ERBB4: variants seen among roughly 807,000 people sequenced by gnomAD.
The protein encoded by ERBB4 is erb-b2 receptor tyrosine kinase 4, also known as receptor tyrosine-protein kinase erbB-4.
ERBB4 carries 42 observed loss-of-function variants against 158.0 expected under a neutral mutation model. The ratio of observed to expected loss-of-function variants is 0.27; its 90% CI spans 0.21 to 0.34. The LOEUF is 0.34. ERBB4 is among the 10% of genes least tolerant of loss of function. The pLI is 1.00. For synonymous variants in ERBB4, 583 were observed against 558.7 expected (o/e 1.04, Z -0.61); for missense variants, 1,333 against 1,624.1 (o/e 0.82, Z 3.08).
At chr2:212,319,554 G>C (rs2087462243) in intron 1 of ERBB4, among the ~76,000 whole-genome samples, 1 of 150,530 alleles carries the variant, frequency 6.6e-6, no homozygotes, top group African/African-American at 2.4e-5. Context: ...ATGTAAGATT[G>C]AATCTAGCTG....
At chr2:212,525,408 G>A (rs1219318253) in intron 1 of ERBB4, among the ~76,000 whole-genome samples, 2 of 151,856 alleles carry the variant, frequency 1.3e-5, no homozygotes, top group Non-Finnish European at 2.9e-5. Context: ...GAAATATGAT[G>A]AGATGAACAA....
intron 2 of ERBB4, among the ~76,000 whole-genome samples, chr2:211,970,951 T>C (rs192294893): frequency 1.3e-5 from 2 of 152,322 alleles, no homozygotes; most frequent in Admixed American, 1.3e-4. Flanking sequence ...GACTTGTTTA[T>C]GTGGTTGCTT....
At chr2:212,493,330 T>A (rs1209111788) in intron 1 of ERBB4, among the ~76,000 whole-genome samples, 1 of 151,522 alleles carries the variant, frequency 6.6e-6, no homozygotes, top group Non-Finnish European at 1.5e-5. Context: ...TAATATTTAA[T>A]GCAAAGAAAT....
chr2:211,623,540 T>C (rs1376752211), intron 18 of ERBB4, among the ~76,000 whole-genome samples: 2 of 152,114 alleles, frequency 1.3e-5, no homozygotes, highest in African/African-American at 4.8e-5. Context: ...TAAAGGATTA[T>C]GGTATATTGC....
chr2:211,604,560 T>C (rs1325163489), intron 19 of ERBB4, among the ~76,000 whole-genome samples: 2 of 152,194 alleles, frequency 1.3e-5, no homozygotes, highest in Non-Finnish European at 2.9e-5. Flanking sequence ...GTCAGTCTTA[T>C]CAACCTCATA....
At chr2:212,181,239 A>G (rs1369167855) in intron 1 of ERBB4, among the ~76,000 whole-genome samples, 1 of 151,560 alleles carries the variant, frequency 6.6e-6, no homozygotes, top group Non-Finnish European at 1.5e-5. Flanking sequence ...TTTTATATTA[A>G]TCTTTTCTAT....
chr2:211,874,751 C>T (rs2078448392), intron 3 of ERBB4, among the ~76,000 whole-genome samples: 1 of 152,082 alleles, frequency 6.6e-6, no homozygotes, highest in Admixed American at 6.6e-5. Flanking sequence ...AGCAGTTTAG[C>T]CATCTTCCAT....
chr2:212,368,451 T>C (rs1293084772), intron 1 of ERBB4, among the ~76,000 whole-genome samples: 1 of 152,050 alleles, frequency 6.6e-6, no homozygotes, highest in Admixed American at 6.6e-5. Context: ...GGGCGAGGGA[T>C]GAAAGACTAC....
At chr2:211,792,080 T>A (rs59005267) in intron 3 of ERBB4, among the ~76,000 whole-genome samples, 6,819 of 151,838 alleles carry the variant, frequency 0.045, 494 homozygotes, top group African/African-American at 0.16. Context: ...AATTGTTAGA[T>A]TTAATTGTGT....
intron 16 of ERBB4, among the ~76,000 whole-genome samples, chr2:211,634,493 G>C (rs2070281170): frequency 6.6e-6 from 1 of 151,980 alleles, no homozygotes; most frequent in African/African-American, 2.4e-5. Flanking sequence ...GTATAGGATA[G>C]ATATCTTTTT....
At chr2:211,887,045 C>G (rs1249958607) in intron 3 of ERBB4, among the ~76,000 whole-genome samples, 1 of 152,090 alleles carries the variant, frequency 6.6e-6, no homozygotes, top group Non-Finnish European at 1.5e-5. Context: ...ATTTTTTGGA[C>G]TTTTTTTCTT....
chr2:212,037,963 C>T (rs1023628957), intron 2 of ERBB4, among the ~76,000 whole-genome samples: 14 of 151,832 alleles, frequency 9.2e-5, no homozygotes, highest in African/African-American at 2.2e-4. Flanking sequence ...AAAAATTAGC[C>T]GTTGTATTTC....
chr2:211,731,669 T>C (rs2074430996), intron 5 of ERBB4, among the ~76,000 whole-genome samples: 1 of 149,836 alleles, frequency 6.7e-6, no homozygotes, highest in Admixed American at 6.7e-5. Context: ...TTATTCCTAT[T>C]AATGATGAAA....
chr2:212,027,025 G>T (rs1182076855), intron 2 of ERBB4, among the ~76,000 whole-genome samples: 1 of 151,722 alleles, frequency 6.6e-6, no homozygotes, highest in Non-Finnish European at 1.5e-5. Context: ...ATTTGTATTT[G>T]CAAATTGCTC....
At chr2:211,772,716 G>A (rs71350751) in intron 4 of ERBB4, among the ~76,000 whole-genome samples, 18,859 of 144,908 alleles carry the variant, frequency 0.13, 1,408 homozygotes, top group Middle Eastern at 0.16. Flanking sequence ...TACAATCATG[G>A]CTCACTTCAG....
At chr2:212,520,086 C>A (rs1667595734) in intron 1 of ERBB4, among the ~76,000 whole-genome samples, 1 of 151,660 alleles carries the variant, frequency 6.6e-6, no homozygotes, top group Non-Finnish European at 1.5e-5. Context: ...TATCAGGATA[C>A]CTTAATTGGA....
At chr2:211,705,620 A>C (rs1242074494) in intron 9 of ERBB4, among the ~76,000 whole-genome samples, 1 of 152,208 alleles carries the variant, frequency 6.6e-6, no homozygotes, top group African/African-American at 2.4e-5. Context: ...TTCCAGATCT[A>C]TAAGATTATT....
At chr2:212,189,592 C>T (rs982142418) in intron 1 of ERBB4, among the ~76,000 whole-genome samples, 1 of 152,198 alleles carries the variant, frequency 6.6e-6, no homozygotes, top group African/African-American at 2.4e-5. Flanking sequence ...ATCTTCAACA[C>T]CCCAAATTAT....
intron 20 of ERBB4, among the ~76,000 whole-genome samples, chr2:211,517,467 T>C (rs1441942613): frequency 1.3e-5 from 2 of 152,160 alleles, no homozygotes; most frequent in African/African-American, 4.8e-5. Context: ...GTTTCCTGTA[T>C]CTTTTCTAAA....
Sources: gnomAD v4.1 joint callset for allele counts (sites outside exome capture counted in the v4.1 genomes callset) on GRCh38, gnomAD v4.1.1 for gene constraint, MANE v1.5 for transcripts, NCBI Gene and HGNC (gene_info 2026-07-23, HGNC 2026-07-21) for gene names.